Variants in DDX10 observed in about 807,000 individuals in gnomAD.
DDX10 encodes the protein probable ATP-dependent RNA helicase DDX10.
A neutral mutation model predicts 104.3 loss-of-function variants in DDX10; 74 were observed. The observed-to-expected ratio is 0.71, with a 90% CI of 0.59 to 0.86. DDX10 has a LOEUF of 0.86. DDX10 is among the 40% of genes least tolerant of loss of function. The pLI, the probability that DDX10 is intolerant of heterozygous loss-of-function variation, is 0.00. For synonymous variants in DDX10, 351 were observed against 353.4 expected, an observed-to-expected ratio of 0.99 and a Z score of 0.08; for missense variants, 952 against 1,040.0, an observed-to-expected ratio of 0.92 and a Z score of 1.16.
intron 10 of DDX10, among the ~76,000 whole-genome samples, chr11:108,711,747 A>C (rs2094284735): frequency 6.6e-6 from 1 of 152,188 alleles, no homozygotes; most frequent in Non-Finnish European, 1.5e-5. Flanking sequence ...TATTTTGGTG[A>C]ATGTTCCATG....
At chr11:108,893,085 A>G (rs1863397474) in intron 16 of DDX10, among the ~76,000 whole-genome samples, 1 of 152,162 alleles carries the variant, frequency 6.6e-6, no homozygotes, top group African/African-American at 2.4e-5. Context: ...TTTACTCTAT[A>G]GAAGTCTTTC....
chr11:108,940,154 T>C (rs1348452246), intron 17 of DDX10, 92 bp from the exon 18 acceptor site: 31 of 1,316,522 alleles, frequency 2.4e-5, no homozygotes, highest in Non-Finnish European at 2.8e-5. Flanking sequence ...TTGAATAATA[T>C]CACTTTACCA....
At chr11:108,844,917 C>G (rs1478086361) in intron 15 of DDX10, among the ~76,000 whole-genome samples, 1 of 152,142 alleles carries the variant, frequency 6.6e-6, no homozygotes, top group Non-Finnish European at 1.5e-5. Flanking sequence ...TTTCTTCCTG[C>G]CGGGCACGGT....
intron 9 of DDX10, among the ~76,000 whole-genome samples, chr11:108,699,406 T>C (rs191186639): frequency 1.5e-3 from 234 of 152,302 alleles, no homozygotes; most frequent in African/African-American, 5.1e-3. Context: ...GATGGTACTT[T>C]AAGGTTCAGC....
At position 108,723,467 on chromosome 11, in the gene DDX10, G is replaced by A; in HGVS notation, c.1965+5G>A. On this transcript the variant is annotated splice_donor_5th_base_variant and intron_variant, in intron 13 of 17. Coordinates refer to ENST00000322536, the MANE Select transcript of DDX10 (RefSeq NM_004398.4). ...AAAGACGAGAAAACATTACAGGTAAGTTTACTCCCAGTGGAGGGTCTTCTA... is the reference window on the plus strand; with the variant it reads ...AAAGACGAGAAAACATTACAGGTAAATTTACTCCCAGTGGAGGGTCTTCTA... The A allele has an allele frequency of 6.2e-7, 1 of 1,605,638 alleles. No homozygotes were observed. Among genetic ancestry groups the A allele is most frequent in the Non-Finnish European group, 8.5e-7 (1 of 1,176,270 alleles).
intron 16 of DDX10, among the ~76,000 whole-genome samples, chr11:108,867,938 C>T (rs950952191): frequency 5.9e-5 from 9 of 152,216 alleles, no homozygotes; most frequent in Non-Finnish European, 1.3e-4. Flanking sequence ...AACTTATAAT[C>T]TGTCTTCAGG....
At position 108,931,933 on chromosome 11, in the gene DDX10, T is replaced by C. The variant is rs1193035786; in HGVS notation, c.2451-8313T>C. ...TAAAAGCAGTAAGGTTGGTCTGATA[T>C]GAATTGTTTTTAGTGAGCCAACAAA... is the stretch of plus-strand genomic sequence containing the variant. On this transcript the variant is annotated intron_variant, in intron 17 of 17. Coordinates refer to ENST00000322536, the MANE Select transcript of DDX10 (RefSeq NM_004398.4). 3.3e-5 allele frequency among the ~76,000 whole-genome samples: 5 copies of C among 152,082 alleles called. No individual in the cohort carries two copies. In the East Asian group the frequency reaches 9.6e-4, roughly 29 times the overall value.
intron 4 of DDX10, among the ~76,000 whole-genome samples, chr11:108,677,810 C>T (rs751627621): frequency 2.6e-5 from 4 of 151,516 alleles, no homozygotes; most frequent in Non-Finnish European, 2.9e-5. Flanking sequence ...CAAACCCTTA[C>T]GTACCTGTTG....
chr11:108,847,295 T>C (rs1862732919), intron 15 of DDX10, among the ~76,000 whole-genome samples: 1 of 152,220 alleles, frequency 6.6e-6, no homozygotes, highest in South Asian at 2.1e-4. Flanking sequence ...TGATTTTTAC[T>C]TCAATGGAGT....
chr11:108,868,685 A>G (rs1454362526), intron 16 of DDX10, among the ~76,000 whole-genome samples: 1 of 152,096 alleles, frequency 6.6e-6, no homozygotes. Context: ...GTTATATTCC[A>G]AATGTTTTCC....
intron 9 of DDX10, among the ~76,000 whole-genome samples, chr11:108,698,217 G>T (rs573480881): frequency 1.3e-5 from 2 of 152,170 alleles, no homozygotes; most frequent in Non-Finnish European, 2.9e-5. Flanking sequence ...TAGCTAATGA[G>T]AATTTTTTAA....
chr11:108,916,202 T>C (rs1045012776), intron 16 of DDX10, among the ~76,000 whole-genome samples: 2 of 152,142 alleles, frequency 1.3e-5, no homozygotes, highest in African/African-American at 4.8e-5. Flanking sequence ...CACCTTCAGA[T>C]AGTACATTCC....
At chr11:108,679,797 A>G (rs1018864766) in intron 6 of DDX10, among the ~76,000 whole-genome samples, 1 of 152,190 alleles carries the variant, frequency 6.6e-6, no homozygotes, top group Non-Finnish European at 1.5e-5. Flanking sequence ...ATGTTTTTCC[A>G]TAGATGTTAA....
intron 17 of DDX10, among the ~76,000 whole-genome samples, chr11:108,937,974 A>G (rs1041906656): frequency 5.9e-5 from 9 of 152,232 alleles, no homozygotes; most frequent in African/African-American, 1.9e-4. Context: ...TGACACGAAG[A>G]TAAAATGCAG....
Position 108,719,821 on chromosome 11 carries a change from G to A in DDX10, c.1435G>A (p.Val479Ile). 1.2e-6 allele frequency: 2 copies of A among 1,605,554 alleles called. No homozygotes were observed. Among genetic ancestry groups the A allele is most frequent in the Non-Finnish European group, 1.7e-6 (2 of 1,172,432 alleles). The part of the protein sequence containing the change: ...QRCFVSYVRS[V>I]YLMKDKEVFD... ...GTGTTTCGTCTCCTATGTACGATCT[G>A]TATATCTGATGAAGGATAAAGAAGT... Residue 479 changes from valine (V) to isoleucine (I), a missense_variant, in exon 12 of 18, where the codon GTA (valine) becomes ATA (isoleucine). By Grantham distance (29) the Val-to-Ile change is conservative. Transcript: ENST00000322536.
chr11:108,760,037 T>C (rs931497208), intron 13 of DDX10, among the ~76,000 whole-genome samples: 1 of 152,056 alleles, frequency 6.6e-6, no homozygotes. Flanking sequence ...CTATAAGAGT[T>C]AGACATAAAT....
chr11:108,839,259 A>G (rs768296525), intron 14 of DDX10, among the ~76,000 whole-genome samples: 1 of 152,100 alleles, frequency 6.6e-6, no homozygotes, highest in Non-Finnish European at 1.5e-5. Flanking sequence ...CCTCATTCTC[A>G]CCAGCGCAGG....
intron 13 of DDX10, among the ~76,000 whole-genome samples, chr11:108,772,767 G>A (rs944006932): frequency 3.9e-5 from 6 of 152,248 alleles, no homozygotes; most frequent in Admixed American, 3.3e-4. Flanking sequence ...TCTCATAGGC[G>A]CTCGATCCCT....
At chr11:108,690,121 G>GGAGACTCAAGGATA (rs2094250158) in intron 7 of DDX10, among the ~76,000 whole-genome samples, 1 of 152,044 alleles carries the variant, frequency 6.6e-6, no homozygotes, top group African/African-American at 2.4e-5. Context: ...TCTCCTGGGA[G>GGAGACTCAAGGATA]CATTCCTCAA....
Sources: gnomAD v4.1 joint callset for allele counts (sites outside exome capture counted in the v4.1 genomes callset) on GRCh38, gnomAD v4.1.1 for gene constraint, MANE v1.5 for transcripts, NCBI Gene and HGNC (gene_info 2026-07-23, HGNC 2026-07-21) for gene names.